Variants in ABCD2 observed in about 807,000 individuals in gnomAD.
ABCD2 encodes ATP binding cassette subfamily D member 2, also known as ATP-binding cassette sub-family D member 2.
In ABCD2, 36 loss-of-function variants were observed where a neutral mutation model predicts 70.9. That is an observed-to-expected ratio of 0.51 (90% CI 0.39 to 0.67). The LOEUF (loss-of-function observed/expected upper bound fraction) is 0.67, where lower values mean the gene tolerates loss of function less well. Among genes scored for constraint, ABCD2 ranks in the 30% least tolerant of loss-of-function variants. The pLI, the probability that ABCD2 is intolerant of heterozygous loss-of-function variation, is 0.00. For missense variants in ABCD2, 729 were observed against 890.2 expected (o/e 0.82, Z 2.30); for synonymous variants, 304 against 306.9 (o/e 0.99, Z 0.10).
the ABCD2 span, among the ~76,000 whole-genome samples, chr12:39,541,794 A>G: frequency 5.8e-4 from 89 of 152,360 alleles, no homozygotes; most frequent in African/African-American, 2.1e-3. Context: ...TTGTGCTGTA[A>G]AAGTATTACC....
the ABCD2 span, among the ~76,000 whole-genome samples, chr12:39,542,233 G>A: frequency 6.6e-6 from 1 of 152,150 alleles, no homozygotes; most frequent in South Asian, 2.1e-4. Context: ...GGAGGCCAAG[G>A]CGGGCGGATC....
chr12:39,563,753 T>G (rs1941297175), intron 9 of ABCD2, among the ~76,000 whole-genome samples: 1 of 152,172 alleles, frequency 6.6e-6, no homozygotes, highest in East Asian at 1.9e-4. Flanking sequence ...ATTAGTTATA[T>G]CTCCTAATGC....
At position 39,553,713 on chromosome 12, in the gene ABCD2, T is replaced by C. The variant is rs2120515330; in HGVS notation, c.*199A>G. 1.8e-6 allele frequency: 1 copy of C among 550,302 alleles called. No homozygotes were observed. The highest frequency in any genetic ancestry group is 3.0e-5 in the East Asian group (1 of 33,694). The allele number at this position is 550,302 out of a possible 1,614,324, so 34.1% of individuals were successfully genotyped here. A position where few individuals can be genotyped will look rare whatever the true frequency, so the allele number is the denominator to read the frequency against. On this transcript the variant is annotated 3_prime_UTR_variant, in exon 10 of 10. Transcript: ENST00000308666. ...CTTCACTAGGAATTAGTATAAGTCATAATGACTGACCTTACATAATGCATT... is the reference window on the plus strand; with the variant it reads ...CTTCACTAGGAATTAGTATAAGTCACAATGACTGACCTTACATAATGCATT...
At chr12:39,581,352 G>C (rs1425134789) in intron 7 of ABCD2, among the ~76,000 whole-genome samples, 1 of 152,054 alleles carries the variant, frequency 6.6e-6, no homozygotes, top group Non-Finnish European at 1.5e-5. Flanking sequence ...AGACTTTCCC[G>C]ATTTCCCAGT....
chr12:39,544,718 C>G, the ABCD2 span, among the ~76,000 whole-genome samples: 1 of 152,098 alleles, frequency 6.6e-6, no homozygotes, highest in East Asian at 1.9e-4. Flanking sequence ...ATCGCTCTGG[C>G]TTCTTCCTGC....
At chr12:39,597,648 C>G (rs1358023153) in intron 6 of ABCD2, among the ~76,000 whole-genome samples, 1 of 152,208 alleles carries the variant, frequency 6.6e-6, no homozygotes, top group Admixed American at 6.5e-5. Context: ...GAAACTCAAA[C>G]AGCCTAAAAT....
chr12:39,602,891 A>T (rs73096560), intron 5 of ABCD2, among the ~76,000 whole-genome samples: 5,020 of 152,240 alleles, frequency 0.033, 132 homozygotes, highest in African/African-American at 0.067. Context: ...TAAATTATAA[A>T]TTATGAAACC....
rs752993252 is a variant in ABCD2, at chr12:39,573,857, C to T, written c.1878-16G>A. ...ATATTTTGGTCTTTTAAAAAGTACA[C>T]ACAAAAATTAATTATTTTGCTATAT... On this transcript the variant is annotated splice_polypyrimidine_tract_variant and intron_variant, in intron 8 of 9. Coordinates refer to ENST00000308666, the MANE Select transcript of ABCD2 (RefSeq NM_005164.4). 6.2e-7 allele frequency: 1 copy of T among 1,603,968 alleles called. No homozygotes were observed. The highest frequency in any genetic ancestry group is 1.1e-5 in the South Asian group (1 of 89,344).
intron 9 of ABCD2, among the ~76,000 whole-genome samples, chr12:39,567,553 C>T (rs1941372957): frequency 1.3e-5 from 2 of 152,146 alleles, no homozygotes; most frequent in South Asian, 4.1e-4. Context: ...CTGGGGAATA[C>T]AGCACACTGA....
intron 9 of ABCD2, among the ~76,000 whole-genome samples, chr12:39,566,743 T>C (rs1264832789): frequency 6.6e-6 from 1 of 152,234 alleles, no homozygotes; most frequent in Non-Finnish European, 1.5e-5. Context: ...TTTTAGATCT[T>C]TCCTGCTTTC....
intron 9 of ABCD2, among the ~76,000 whole-genome samples, chr12:39,568,255 AG>A (rs1941389009): frequency 6.6e-6 from 1 of 152,214 alleles, no homozygotes; most frequent in African/African-American, 2.4e-5. Context: ...CGTCACTTTC[AG>A]GTACACCAAT....
At chr12:39,560,132 G>A (rs1447280256) in intron 9 of ABCD2, among the ~76,000 whole-genome samples, 1 of 152,082 alleles carries the variant, frequency 6.6e-6, no homozygotes, top group African/African-American at 2.4e-5. Flanking sequence ...TTTACATTAG[G>A]TATATCTCCT....
At chr12:39,598,638 G>A (rs1051049100) in intron 6 of ABCD2, among the ~76,000 whole-genome samples, 5 of 152,062 alleles carry the variant, frequency 3.3e-5, no homozygotes, top group South Asian at 2.1e-4. Context: ...GACCTCAGGC[G>A]ATTCGCCCGC....
At chr12:39,573,045 G>A (rs1941469831) in intron 9 of ABCD2, among the ~76,000 whole-genome samples, 1 of 152,124 alleles carries the variant, frequency 6.6e-6, no homozygotes, top group Non-Finnish European at 1.5e-5. Context: ...TTCTTCATCT[G>A]TAAAATAGGA....
intron 7 of ABCD2, among the ~76,000 whole-genome samples, chr12:39,584,340 C>T (rs2120629883): frequency 6.6e-6 from 1 of 152,216 alleles, no homozygotes; most frequent in African/African-American, 2.4e-5. Flanking sequence ...TGTTCATGTC[C>T]TTTTCCCACT....
intron 7 of ABCD2, among the ~76,000 whole-genome samples, chr12:39,580,589 A>G (rs1474256087): frequency 6.6e-6 from 1 of 152,174 alleles, no homozygotes; most frequent in African/African-American, 2.4e-5. Flanking sequence ...CTAAAATTTT[A>G]TAATAAGCCT....
rs150306001 is a variant in ABCD2, at chr12:39,596,775, C to T, written c.1646+3796G>A. Among the ~76,000 whole-genome samples, 8 of 152,186 alleles carry T rather than the reference C, an allele frequency of 5.3e-5. No individual in the cohort carries two copies. The East Asian group carries it at 7.7e-4, about 15-fold the overall frequency. Reference sequence around the variant, plus strand: ...AGGAAGCGTAGGTAGTAAGAGCATACGTGTTAGAATTACATGATGGGTTGG... The same window carrying T: ...AGGAAGCGTAGGTAGTAAGAGCATATGTGTTAGAATTACATGATGGGTTGG... On this transcript the variant is annotated intron_variant, in intron 6 of 9. Transcript: ENST00000308666.
At chr12:39,567,165 A>C (rs973249061) in intron 9 of ABCD2, among the ~76,000 whole-genome samples, 1 of 152,178 alleles carries the variant, frequency 6.6e-6, no homozygotes, top group African/African-American at 2.4e-5. Flanking sequence ...TGCAGAGCTG[A>C]GTTCAATTCC....
intron 5 of ABCD2, among the ~76,000 whole-genome samples, chr12:39,601,225 A>G (rs1488366738): frequency 1.3e-5 from 2 of 152,052 alleles, no homozygotes; most frequent in African/African-American, 2.4e-5. Flanking sequence ...ACAAAAGCCC[A>G]TAATCAGAGA....
Sources: allele counts gnomAD v4.1 joint callset (sites outside exome capture counted in the v4.1 genomes callset), GRCh38; gene constraint gnomAD v4.1.1; transcripts MANE v1.5; gene names NCBI Gene and HGNC (gene_info 2026-07-23, HGNC 2026-07-21).